Variants in SLC25A20 observed in about 807,000 individuals in gnomAD.
The protein encoded by SLC25A20 is mitochondrial carnitine/acylcarnitine carrier protein.
SLC25A20 carries 29 observed loss-of-function variants against 39.7 expected under a neutral mutation model. The observed-to-expected ratio is 0.73, with a 90% CI of 0.54 to 1.00. SLC25A20 has a LOEUF of 1.00. Among genes scored for constraint, SLC25A20 ranks in the 50% least tolerant of loss-of-function variants. SLC25A20 has a pLI of 0.00. For missense variants in SLC25A20, 333 were observed against 379.9 expected, an observed-to-expected ratio of 0.88 and a Z score of 1.03; for synonymous variants, 103 against 142.2, an observed-to-expected ratio of 0.72 and a Z score of 1.96.
intron 4 of SLC25A20, among the ~76,000 whole-genome samples, chr3:48,865,957 C>T (rs1472116198): frequency 2.0e-5 from 3 of 149,800 alleles, no homozygotes; most frequent in Non-Finnish European, 3.0e-5. Context: ...GGTGAAACCC[C>T]GTCTCTACTA....
At chr3:48,874,779 G>C (rs564701936) in intron 4 of SLC25A20, among the ~76,000 whole-genome samples, 85 of 152,096 alleles carry the variant, frequency 5.6e-4, no homozygotes, top group Non-Finnish European at 9.1e-4. Flanking sequence ...GGGCATGGTG[G>C]CTCACACCTG....
intron 5 of SLC25A20, among the ~76,000 whole-genome samples, chr3:48,861,303 C>T (rs2083625639): frequency 6.6e-6 from 1 of 152,078 alleles, no homozygotes; most frequent in Non-Finnish European, 1.5e-5. Flanking sequence ...GGCACTAGAC[C>T]CTTCAGGGAT....
At chr3:48,870,501 T>C (rs1370950836) in intron 4 of SLC25A20, among the ~76,000 whole-genome samples, 1 of 151,688 alleles carries the variant, frequency 6.6e-6, no homozygotes, top group Non-Finnish European at 1.5e-5. Context: ...TAGGTGTAAA[T>C]GTAAGAAAAC....
chr3:48,887,467 G>A (rs4974085), intron 2 of SLC25A20, among the ~76,000 whole-genome samples: 100,644 of 152,104 alleles, frequency 0.66, 33,992 homozygotes, highest in East Asian at 0.96. Flanking sequence ...GTTCAATAAC[G>A]TCTAATGACC....
At chr3:48,892,954 T>C (rs2083887495) in intron 1 of SLC25A20, among the ~76,000 whole-genome samples, 1 of 152,178 alleles carries the variant, frequency 6.6e-6, no homozygotes, top group Admixed American at 6.6e-5. Flanking sequence ...GGCTGCACCA[T>C]TTTATATTCC....
chr3:48,890,379 C>T lies in SLC25A20; in HGVS notation c.198+1601G>A, dbSNP rs986453678. Among the ~76,000 whole-genome samples, 14 of 151,950 alleles carry T rather than the reference C, an allele frequency of 9.2e-5. 1 individual carries two copies. In the South Asian group the frequency reaches 2.1e-3, roughly 23 times the overall value. ...TTTTTTGTATTTTTTTTAGTAGAGA[C>T]GGGGTTTCACCGTGTTAGCTAGGAT... On this transcript the variant is annotated intron_variant, in intron 2 of 8. Coordinates refer to ENST00000319017, the MANE Select transcript of SLC25A20 (RefSeq NM_000387.6).
Position 48,859,207 on chromosome 3 carries a change from T to A in SLC25A20, c.609-6A>T. On this transcript the variant is annotated splice_region_variant and splice_polypyrimidine_tract_variant and intron_variant, in intron 6 of 8. Transcript: ENST00000319017. Reference sequence around the variant, plus strand: ...GGGCACTGAGCTCACTGACCCTGTATAACACCAACCACAGCCCCAGTTAGA... The same window carrying A: ...GGGCACTGAGCTCACTGACCCTGTAAAACACCAACCACAGCCCCAGTTAGA... 1.2e-6 allele frequency: 2 copies of A among 1,611,970 alleles called. No individual in the cohort carries two copies. The highest frequency in any genetic ancestry group is 1.7e-6 in the Non-Finnish European group (2 of 1,178,230).
At chr3:48,874,399 A>G (rs2083739653) in intron 4 of SLC25A20, among the ~76,000 whole-genome samples, 1 of 151,782 alleles carries the variant, frequency 6.6e-6, no homozygotes, top group Non-Finnish European at 1.5e-5. Flanking sequence ...CCAGGAGATC[A>G]AGGTTACATT....
intron 4 of SLC25A20, among the ~76,000 whole-genome samples, chr3:48,877,347 G>A (rs1356456202): frequency 6.6e-6 from 1 of 152,070 alleles, no homozygotes; most frequent in Non-Finnish European, 1.5e-5. Flanking sequence ...CCAAGAGGCG[G>A]AGGTTGCGGT....
chr3:48,875,558 C>T (rs914561783), intron 4 of SLC25A20, among the ~76,000 whole-genome samples: 1 of 152,112 alleles, frequency 6.6e-6, no homozygotes, highest in African/African-American at 2.4e-5. Context: ...TACAGGCGTG[C>T]ACAACCATAC....
chr3:48,870,814 ATTTT>A (rs71077745), intron 4 of SLC25A20, among the ~76,000 whole-genome samples: 4 of 109,810 alleles, frequency 3.6e-5, no homozygotes, highest in Admixed American at 1.0e-4. Context: ...CAGGAATCAG[ATTTT>A]TTTTTTTTTT....
chr3:48,859,343 C>G (rs1181896367), intron 6 of SLC25A20, 142 bp from the exon 7 acceptor site: 1 of 851,616 alleles, frequency 1.2e-6, no homozygotes, highest in South Asian at 1.4e-5. Context: ...GCTGCTGGCA[C>G]TCCTTGGAGA....
At chr3:48,886,468 A>C (rs552827405) in intron 2 of SLC25A20, among the ~76,000 whole-genome samples, 36 of 152,204 alleles carry the variant, frequency 2.4e-4, no homozygotes, top group African/African-American at 7.7e-4. Context: ...GGTTGCAGTG[A>C]GCCGAGATCG....
chr3:48,883,483 G>A (rs894338462), intron 3 of SLC25A20, among the ~76,000 whole-genome samples: 12 of 151,160 alleles, frequency 7.9e-5, no homozygotes, highest in South Asian at 2.1e-4. Context: ...CCTGGGAGGC[G>A]GAGGTTGCAG....
rs375153675 is a variant in SLC25A20, at chr3:48,883,064, G to A, written c.326+933C>T. Among the ~76,000 whole-genome samples the A allele has an allele frequency of 7.0e-4, 107 of 151,916 alleles. No individual in the cohort carries two copies. The South Asian group carries it at 0.014, about 20-fold the overall frequency. ...AAAAAAATTAGCCGGGCGTGGTGGC[G>A]GGTGCCTATAGTCCCAGCTAGTTGG... On this transcript the variant is annotated intron_variant, in intron 3 of 8. Coordinates refer to ENST00000319017, the MANE Select transcript of SLC25A20 (RefSeq NM_000387.6).
At chr3:48,866,699 C>G (rs1262165884) in intron 4 of SLC25A20, among the ~76,000 whole-genome samples, 1 of 9,276 alleles carries the variant, frequency 1.1e-4, no homozygotes, top group Non-Finnish European at 1.5e-4. Context: ...CCGATGATCT[C>G]TGCTCACTGC....
In SLC25A20 at chr3:48,862,449, A is replaced by G. The variant is rs533693053; in HGVS notation, c.535+93T>C. On this transcript the variant is annotated intron_variant, in intron 5 of 8. Transcript: ENST00000319017. Reference sequence around the variant, plus strand: ...CAGAGATGTGACATGCATGGTGCCAAGGCTAATCTGGCAATCCAGGCAAGA... The same window carrying G: ...CAGAGATGTGACATGCATGGTGCCAGGGCTAATCTGGCAATCCAGGCAAGA... The G allele has an allele frequency of 3.0e-4, 240 of 805,114 alleles. 4 individuals are homozygous for G. The highest frequency in any genetic ancestry group is 3.5e-4 in the Non-Finnish European group (157 of 444,878). 49.9% of individuals were successfully genotyped at this position (805,114 alleles called of 1,614,324 possible).
intron 1 of SLC25A20, among the ~76,000 whole-genome samples, chr3:48,896,501 TTG>T (rs1456290919): frequency 6.6e-6 from 1 of 151,518 alleles, no homozygotes; most frequent in Non-Finnish European, 1.5e-5. Flanking sequence ...TTGTTTTGTT[TTG>T]TTTTGTTTTG....
intron 2 of SLC25A20, among the ~76,000 whole-genome samples, chr3:48,884,893 TAAA>T (rs74266012): frequency 5.0e-5 from 5 of 99,380 alleles, no homozygotes; most frequent in Non-Finnish European, 4.4e-5. Context: ...GATTATTAAG[TAAA>T]AAAAAAAAAA....
Sources: allele counts gnomAD v4.1 joint callset (sites outside exome capture counted in the v4.1 genomes callset), GRCh38; gene constraint gnomAD v4.1.1; transcripts MANE v1.5; gene names NCBI Gene and HGNC (gene_info 2026-07-23, HGNC 2026-07-21).